COX7C: variants seen among roughly 807,000 people sequenced by gnomAD.
The protein encoded by COX7C is cytochrome c oxidase subunit 7C, mitochondrial.
In COX7C, 1 loss-of-function variant was observed where a neutral mutation model predicts 6.4. The observed-to-expected ratio is 0.16, with a 90% CI of 0.06 to 0.74. The LOEUF (loss-of-function observed/expected upper bound fraction) is 0.74, where lower values mean the gene tolerates loss of function less well. Among genes scored for constraint, COX7C ranks in the 30% least tolerant of loss-of-function variants. The pLI is 0.78. For missense variants in COX7C, 54 were observed against 73.7 expected, an observed-to-expected ratio of 0.73 and a Z score of 0.98; for synonymous variants, 24 against 28.9, an observed-to-expected ratio of 0.83 and a Z score of 0.54.
At position 86,618,145 on chromosome 5, in the gene COX7C, G is replaced by A. The variant is rs1337757497; in HGVS notation, c.75+15G>A. 2 of 1,613,638 alleles carry A rather than the reference G, an allele frequency of 1.2e-6. No homozygotes were observed. The highest frequency in any genetic ancestry group is 1.3e-5 in the African/African-American group (1 of 75,036). ...GCCCTGGGAAGGTTAGTGTGTAAGG[G>A]GCACGGCTTCGTTGGGGGAGGGGGC... On this transcript the variant is annotated intron_variant, in intron 1 of 2. Coordinates refer to ENST00000247655, the MANE Select transcript of COX7C (RefSeq NM_001867.3).
chr5:86,620,399 A>G (rs1200553351), intron 2 of COX7C: 2 of 173,604 alleles, frequency 1.2e-5, no homozygotes, highest in Admixed American at 5.7e-5. Flanking sequence ...CTTAATTGTC[A>G]TCAGAGTTTC....
intron 1 of COX7C, among the ~76,000 whole-genome samples, 168 bp from the exon 2 acceptor site, chr5:86,619,185 G>A (rs1403007759): frequency 6.6e-6 from 1 of 152,098 alleles, no homozygotes; most frequent in African/African-American, 2.4e-5. Context: ...TTGTGATGAA[G>A]GTCATAGGAT....
At chr5:86,620,032 G>C (rs1218106882) in intron 2 of COX7C, 1 of 152,590 alleles carries the variant, frequency 6.6e-6, no homozygotes, top group Non-Finnish European at 1.5e-5. Flanking sequence ...TACAATACTT[G>C]TTTAAGTTGT....
intron 1 of COX7C, among the ~76,000 whole-genome samples, chr5:86,618,874 C>T (rs917072625): frequency 6.6e-6 from 1 of 150,460 alleles, no homozygotes; most frequent in African/African-American, 2.5e-5. Context: ...CCCAGCTACT[C>T]GGGAGGCTGA....
At chr5:86,619,932 CAGT>C (rs1161886932) in intron 2 of COX7C, 1 of 154,556 alleles carries the variant, frequency 6.5e-6, no homozygotes, top group Non-Finnish European at 1.4e-5. Context: ...GTTACTAGAA[CAGT>C]AGCTGAGAAT....
rs1478562682 is a variant in COX7C at position 86,620,753 on chromosome 5, A to C, written c.*113A>C. 3.2e-6 allele frequency: 1 copy of C among 308,780 alleles called. No homozygotes were observed. The highest frequency in any genetic ancestry group is 8.1e-5 in the East Asian group (1 of 12,274). The allele number at this position is 308,780 out of a possible 1,614,324, so 19.1% of individuals were successfully genotyped here. On this transcript the variant is annotated 3_prime_UTR_variant, in exon 3 of 3. Transcript: ENST00000247655. Reference sequence around the variant, plus strand: ...CCATACTAGATATGTTTGTCAATAAACTTATGACGTGAATGCTTAATGCCT... The same window carrying C: ...CCATACTAGATATGTTTGTCAATAACCTTATGACGTGAATGCTTAATGCCT...
At chr5:86,620,550 GTA>G in intron 2 of COX7C, 116 bp from the exon 3 acceptor site, 1 of 336,594 alleles carries the variant, frequency 3.0e-6, no homozygotes, top group South Asian at 2.2e-5. Flanking sequence ...TCATGATACT[GTA>G]AACGCTTTCT....
chr5:86,618,864 C>G (rs1750057322), intron 1 of COX7C, among the ~76,000 whole-genome samples: 2 of 151,902 alleles, frequency 1.3e-5, no homozygotes, highest in Admixed American at 1.3e-4. Flanking sequence ...TGCCTCTAAT[C>G]CCAGCTACTC....
At chr5:86,618,994 GAAAA>G (rs991696408) in intron 1 of COX7C, among the ~76,000 whole-genome samples, 108 of 145,302 alleles carry the variant, frequency 7.4e-4, no homozygotes, top group African/African-American at 2.5e-3. Context: ...AAAAAAAAAA[GAAAA>G]AAAAAGAGCT....
chr5:86,620,864 G>A lies in COX7C; in HGVS notation c.*224G>A, dbSNP rs1413054678. 1 of 175,142 alleles carries A rather than the reference G, an allele frequency of 5.7e-6. No individual in the cohort carries two copies. Among genetic ancestry groups the A allele is most frequent in the Non-Finnish European group, 1.3e-5 (1 of 79,358 alleles). 10.8% of individuals were successfully genotyped at this position (175,142 alleles called of 1,614,324 possible). A position where few individuals can be genotyped will look rare whatever the true frequency, so the allele number is the denominator to read the frequency against. On this transcript the variant is annotated 3_prime_UTR_variant, in exon 3 of 3. Coordinates refer to ENST00000247655, the MANE Select transcript of COX7C (RefSeq NM_001867.3). ...TTCCAGTATTACTCTCTGTGATTTA[G>A]CTTATTTAATGGTGTTAAACTGAGG...
Position 86,617,964 on chromosome 5 carries a change from G to A in COX7C, c.-92G>A, listed in dbSNP as rs576524092. The A allele has an allele frequency of 2.5e-6, 3 of 1,201,480 alleles. No individual in the cohort carries two copies. The African/African-American group carries it at 4.5e-5, about 18-fold the overall frequency. The allele number at this position is 1,201,480 out of a possible 1,614,324, so 74.4% of individuals were successfully genotyped here. On this transcript the variant is annotated 5_prime_UTR_variant, in exon 1 of 3. Coordinates refer to ENST00000247655, the MANE Select transcript of COX7C (RefSeq NM_001867.3). ...TTCTTTTCAGTCCTTGCGCACCGGG[G>A]AACAAGGTCGTGAAAAAAAAGGTCT...
Position 86,620,488 on chromosome 5 carries a change from T to C in COX7C, c.*28-180T>C, listed in dbSNP as rs116683123. On this transcript the variant is annotated intron_variant, in intron 2 of 2. Transcript: ENST00000247655. The stretch of plus-strand genomic sequence containing the variant: ...AGGGGGAATAACTTATCCAAGCTAC[T>C]AATGCGGAAAGGTTGCGGTGCATGT... 6.6e-3 allele frequency: 1,641 copies of C among 250,076 alleles called. 23 individuals carry two copies. The highest frequency in any genetic ancestry group is 0.027 in the East Asian group (310 of 11,290). The allele number at this position is 250,076 out of a possible 1,614,324, so 15.5% of individuals were successfully genotyped here.
intron 1 of COX7C, 141 bp downstream of exon 1, chr5:86,618,271 G>A: frequency 1.3e-6 from 1 of 752,138 alleles, no homozygotes; most frequent in Non-Finnish European, 2.3e-6. Context: ...ATTCCACTTA[G>A]CCCAAGGACC....
chr5:86,620,703 A>T lies in COX7C; in HGVS notation c.*63A>T. 1 of 425,194 alleles carries T rather than the reference A, an allele frequency of 2.4e-6. No homozygotes were observed. Among genetic ancestry groups the T allele is most frequent in the Admixed American group, 2.4e-5 (1 of 41,758 alleles). The allele number at this position is 425,194 out of a possible 1,614,324, so 26.3% of individuals were successfully genotyped here. A position where few individuals can be genotyped will look rare whatever the true frequency, so the allele number is the denominator to read the frequency against. On this transcript the variant is annotated 3_prime_UTR_variant, in exon 3 of 3. Transcript: ENST00000247655. ...CATTTTAAGAGGTGCAGCCTCTGGA[A>T]GTGGATCAAACTAGAACTCATATGC...
chr5:86,619,618 A>C (rs909359352), intron 2 of COX7C, 122 bp downstream of exon 2: 3 of 643,076 alleles, frequency 4.7e-6, no homozygotes, highest in South Asian at 1.9e-5. Flanking sequence ...GGTTATGTGT[A>C]GATGTGGCAT....
At chr5:86,618,268 T>C in intron 1 of COX7C, 138 bp downstream of exon 1, 1 of 777,270 alleles carries the variant, frequency 1.3e-6, no homozygotes. Context: ...AGCATTCCAC[T>C]TAGCCCAAGG....
chr5:86,619,550 C>G, intron 2 of COX7C, 54 bp downstream of exon 2: 3 of 874,540 alleles, frequency 3.4e-6, no homozygotes, highest in Non-Finnish European at 5.8e-6. Context: ...TAAGTAGCCT[C>G]TTCCCCATCA....
At chr5:86,618,228 A>G (rs1750038798) in intron 1 of COX7C, 98 bp downstream of exon 1, 2 of 1,119,556 alleles carry the variant, frequency 1.8e-6, no homozygotes, top group Non-Finnish European at 1.3e-6. Flanking sequence ...GTGGGAGATG[A>G]TAGCCAGAAA....
rs766739247 is a variant in COX7C, at chr5:86,619,393, CTAAGA to C, written c.118_122del (p.Lys40ValfsTer21). 16 of 1,613,480 alleles carry C rather than the reference CTAAGA, an allele frequency of 9.9e-6. No homozygotes were observed. The highest frequency in any genetic ancestry group is 1.4e-5 in the Non-Finnish European group (16 of 1,179,878). On this transcript the variant is annotated frameshift_variant, in exon 2 of 3. Transcript: ENST00000247655. LOFTEE classifies it high-confidence loss of function. Reference sequence around the variant, plus strand: ...GTGGAAAACAAGTGGTCGTTACTAGCTAAGATGTGTTTGTACTTTGGATCTGCATT... The same window carrying C: ...GTGGAAAACAAGTGGTCGTTACTAGCTGTGTTTGTACTTTGGATCTGCATT...
Sources: gnomAD v4.1 joint callset for allele counts (sites outside exome capture counted in the v4.1 genomes callset) on GRCh38, gnomAD v4.1.1 for gene constraint, MANE v1.5 for transcripts, NCBI Gene and HGNC (gene_info 2026-07-23, HGNC 2026-07-21) for gene names.